MAMDC2: variants seen among roughly 807,000 people sequenced by gnomAD.
MAMDC2 encodes MAM domain containing 2.
MAMDC2 carries 57 observed loss-of-function variants against 89.8 expected under a neutral mutation model. That is an observed-to-expected ratio of 0.63 (90% CI 0.51 to 0.79). The LOEUF (loss-of-function observed/expected upper bound fraction) is 0.79. MAMDC2 is among the 30% of genes least tolerant of loss of function. The pLI is 0.00. For missense variants in MAMDC2, 800 were observed against 820.6 expected, an observed-to-expected ratio of 0.97 and a Z score of 0.31; for synonymous variants, 313 against 293.4, an observed-to-expected ratio of 1.07 and a Z score of -0.68.
intron 1 of MAMDC2, 80 bp downstream of exon 1, chr9:70,044,311 C>A: frequency 6.7e-7 from 1 of 1,498,114 alleles, no homozygotes; most frequent in Non-Finnish European, 9.2e-7. Context: ...GGGTCCGGCT[C>A]ACCGTGCTGG....
chr9:70,197,463 T>A (rs1465952966), intron 11 of MAMDC2, among the ~76,000 whole-genome samples: 1 of 152,072 alleles, frequency 6.6e-6, no homozygotes, highest in African/African-American at 2.4e-5. Context: ...TGGAAGAACA[T>A]GTTATCTACA....
At chr9:70,118,475 C>T (rs563025127) in intron 5 of MAMDC2, among the ~76,000 whole-genome samples, 8 of 152,078 alleles carry the variant, frequency 5.3e-5, no homozygotes, top group Admixed American at 6.5e-5. Context: ...AGATTTGATC[C>T]GTATCATTCT....
chr9:70,185,621 G>A (rs1487655510), intron 11 of MAMDC2, among the ~76,000 whole-genome samples: 7 of 152,132 alleles, frequency 4.6e-5, no homozygotes, highest in Admixed American at 1.3e-4. Context: ...GGCCACAACC[G>A]CTTTGCCACA....
chr9:70,086,918 C>A (rs1214916859), intron 2 of MAMDC2: 2 of 152,118 alleles, frequency 1.3e-5, no homozygotes, highest in African/African-American at 4.8e-5. Flanking sequence ...GAGAGCTAGT[C>A]CCTCAGAATG....
At chr9:70,185,778 T>C (rs992892586) in intron 11 of MAMDC2, among the ~76,000 whole-genome samples, 1 of 152,170 alleles carries the variant, frequency 6.6e-6, no homozygotes, top group Non-Finnish European at 1.5e-5. Context: ...TATGCTGGCA[T>C]TGAGAATTTC....
At chr9:70,046,054 C>T (rs554174779) in intron 2 of MAMDC2, among the ~76,000 whole-genome samples, 30 of 152,256 alleles carry the variant, frequency 2.0e-4, no homozygotes, top group Middle Eastern at 3.4e-3. Context: ...GGAAGCATTG[C>T]GGGAGATGGC....
intron 2 of MAMDC2, among the ~76,000 whole-genome samples, chr9:70,094,524 A>C (rs1202902754): frequency 6.6e-6 from 1 of 152,240 alleles, no homozygotes; most frequent in Non-Finnish European, 1.5e-5. Flanking sequence ...GTGAGTTGCC[A>C]GCAAAGTTAC....
chr9:70,136,658 A>G (rs1473467166), intron 7 of MAMDC2, among the ~76,000 whole-genome samples: 1 of 152,222 alleles, frequency 6.6e-6, no homozygotes, highest in East Asian at 1.9e-4. Flanking sequence ...GGAAGGGGGA[A>G]GATTCATTCC....
Position 70,131,542 on chromosome 9 carries a change from T to C in MAMDC2, c.924T>C (p.Asn308=), listed in dbSNP as rs927936311. Residue 308 remains asparagine (N), a synonymous_variant, in exon 7 of 14, where the codon AAT becomes AAC. Transcript: ENST00000377182. ...PMEVIFEVAF[N]GPKGGYVALD... ...AGGTTATTTTTGAAGTTGCTTTCAA[T>C]GGTCCCAAGGGAGGTTATGTTGCCC... The C allele has an allele frequency of 1.2e-6, 2 of 1,601,584 alleles. No homozygotes were observed. Among genetic ancestry groups the C allele is most frequent in the Non-Finnish European group, 1.7e-6 (2 of 1,177,224 alleles).
intron 8 of MAMDC2, 42 bp downstream of exon 8, chr9:70,140,330 C>T (rs1018496287): frequency 5.9e-6 from 9 of 1,534,690 alleles, no homozygotes; most frequent in South Asian, 2.7e-5. Flanking sequence ...CTTGGGTAGT[C>T]GTGAGCTTTA....
At chr9:70,099,980 A>AGAGAGAG (rs1828126304) in intron 2 of MAMDC2, among the ~76,000 whole-genome samples, 5 of 115,558 alleles carry the variant, frequency 4.3e-5, no homozygotes, top group Non-Finnish European at 8.7e-5. Flanking sequence ...GCCAAAAAGA[A>AGAGAGAG]AGAGAGAGAG....
chr9:70,101,228 A>C (rs796615756), intron 2 of MAMDC2, among the ~76,000 whole-genome samples: 12 of 152,352 alleles, frequency 7.9e-5, no homozygotes, highest in African/African-American at 2.9e-4. Flanking sequence ...AAAATATTTT[A>C]TACAGTACCG....
intron 2 of MAMDC2, among the ~76,000 whole-genome samples, chr9:70,104,614 G>C (rs1828284457): frequency 6.6e-6 from 1 of 152,242 alleles, no homozygotes; most frequent in South Asian, 2.1e-4. Flanking sequence ...CCCCCAAAAA[G>C]AATGAAATTC....
chr9:70,164,710 G>A (rs1295340098), intron 9 of MAMDC2, among the ~76,000 whole-genome samples: 7 of 151,780 alleles, frequency 4.6e-5, no homozygotes, highest in South Asian at 2.1e-4. Context: ...GTACAGTGGC[G>A]TGATCATGGC....
At position 70,116,674 on chromosome 9, in the gene MAMDC2, T is replaced by C. The variant is rs374097019; in HGVS notation, c.643+3542T>C. ...GGCTTGAGTCCCTCCTGGATACTTA[T>C]AAGCACATAGCATTTGGCATTAGAA... is the stretch of plus-strand genomic sequence containing the variant. On this transcript the variant is annotated intron_variant, in intron 5 of 13. Coordinates refer to ENST00000377182, the MANE Select transcript of MAMDC2 (RefSeq NM_153267.5). 5.1e-5 allele frequency among the ~76,000 whole-genome samples: 7 copies of C among 138,160 alleles called. 1 individual carries two copies. The East Asian group carries it at 1.1e-3, about 21-fold the overall frequency. 90.6% of individuals were successfully genotyped at this position (138,160 alleles called of 152,430 possible). A position where few individuals can be genotyped will look rare whatever the true frequency, so the allele number is the denominator to read the frequency against.
At chr9:70,208,768 G>A (rs1436165114) in intron 11 of MAMDC2, among the ~76,000 whole-genome samples, 5 of 151,624 alleles carry the variant, frequency 3.3e-5, no homozygotes, top group South Asian at 2.1e-4. Flanking sequence ...TTGGCTGTGG[G>A]TTTGTCATAG....
chr9:70,115,847 G>A (rs1273668696), intron 5 of MAMDC2, among the ~76,000 whole-genome samples: 1 of 152,182 alleles, frequency 6.6e-6, no homozygotes, highest in African/African-American at 2.4e-5. Context: ...ATAATAAAAT[G>A]TCACTAACTC....
chr9:70,166,140 C>T (rs2032162771), intron 9 of MAMDC2, among the ~76,000 whole-genome samples: 1 of 151,736 alleles, frequency 6.6e-6, no homozygotes, highest in South Asian at 2.1e-4. Context: ...ACTCGGGAGG[C>T]TGAGGCAGGA....
chr9:70,066,554 A>G (rs1263374290), intron 2 of MAMDC2, among the ~76,000 whole-genome samples: 1 of 152,084 alleles, frequency 6.6e-6, no homozygotes, highest in Non-Finnish European at 1.5e-5. Context: ...TTCAGACAAG[A>G]GATCATAGTG....
Sources: gnomAD v4.1 joint callset for allele counts (sites outside exome capture counted in the v4.1 genomes callset) on GRCh38, gnomAD v4.1.1 for gene constraint, MANE v1.5 for transcripts, NCBI Gene and HGNC (gene_info 2026-07-23, HGNC 2026-07-21) for gene names.